The following ARHGEF40 variants were observed in gnomAD, a reference collection of about 807,000 sequenced individuals.
ARHGEF40 encodes Rho guanine nucleotide exchange factor 40.
A neutral mutation model predicts 165.9 loss-of-function variants in ARHGEF40; 98 were observed. The observed-to-expected ratio is 0.59, with a 90% CI of 0.50 to 0.70. The LOEUF (loss-of-function observed/expected upper bound fraction) is 0.70, where lower values mean the gene tolerates loss of function less well. Among genes scored for constraint, ARHGEF40 ranks in the 30% least tolerant of loss-of-function variants. ARHGEF40 has a pLI of 0.00. For synonymous variants in ARHGEF40, 792 were observed against 814.3 expected (o/e 0.97, Z 0.47); for missense variants, 1,815 against 1,968.0 (o/e 0.92, Z 1.47).
At chr14:21,084,490 A>T (rs1368998900) in intron 17 of ARHGEF40, among the ~76,000 whole-genome samples, 1 of 152,180 alleles carries the variant, frequency 6.6e-6, no homozygotes, top group Non-Finnish European at 1.5e-5. Flanking sequence ...GATCCCCAGC[A>T]TGCAAAGGCT....
rs756950029 is a variant in ARHGEF40, at chr14:21,074,747, G to T, written c.1017G>T (p.Glu339Asp). 1.7e-5 allele frequency: 28 copies of T among 1,608,834 alleles called. No homozygotes were observed. The South Asian group carries it at 3.0e-4, about 17-fold the overall frequency. Reference protein sequence around the residue: ...AVLEVSEPPAEAVGEASGSCP... With the variant: ...AVLEVSEPPADAVGEASGSCP... ...TGGAGGTGTCTGAGCCCCCAGCAGA[G>T]GCTGTGGGAGAAGCCTCCGGATCTT... Residue 339 changes from glutamate to aspartate, a missense_variant, in exon 3 of 24, where the codon GAG (glutamate) becomes GAT (aspartate). Physicochemically the swap from Glu to Asp is conservative, Grantham distance 45 (BLOSUM62 2). Transcript: ENST00000298694. This position sits in a 1 kb window ranked among gnomAD's most constrained non-coding sequence, Gnocchi z 4.8.
chr14:21,087,253 T>A, intron 20 of ARHGEF40, 67 bp from the exon 21 acceptor site: 1 of 1,581,830 alleles, frequency 6.3e-7, no homozygotes, highest in East Asian at 2.3e-5. Context: ...AGACTGAGGG[T>A]CATTCCAGGG....
chr14:21,065,126 GT>G, the ARHGEF40 span, among the ~76,000 whole-genome samples: 1 of 151,256 alleles, frequency 6.6e-6, no homozygotes, highest in African/African-American at 2.4e-5. Flanking sequence ...AGTCGAGATT[GT>G]ACCACTGCAC....
rs760576123 is a variant in ARHGEF40, at chr14:21,080,728, G to A, written c.2442G>A (p.Leu814=). 2.5e-6 allele frequency: 4 copies of A among 1,612,186 alleles called. No homozygotes were observed. The South Asian group carries it at 4.4e-5, about 18-fold the overall frequency. The change falls in exon 12 of 24, where the codon TTG becomes TTA. Residue 814 remains leucine (L), a synonymous_variant. Coordinates refer to ENST00000298694, the MANE Select transcript of ARHGEF40 (RefSeq NM_018071.5). ...GCTTTGCTATGCCTGGGGACACCTT[G>A]TCTGCCCTGCAGGAGACAGAGCTGC... The part of the protein sequence containing the change: ...LASFAMPGDT[L]SALQETELRF...
At position 21,083,955 on chromosome 14, in the gene ARHGEF40, G is replaced by T. The variant is rs1239165948; in HGVS notation, c.3694G>T (p.Glu1232Ter). ...LREAGPELSSECRALGAAVQL... is the reference protein window; with the variant it reads ...LREAGPELSS ...GGAAGCTGGGCCTGAGCTCAGTTCT[G>T]AGTGCCGGGCCCTTGGGGCTGCTGT... The change falls in exon 17 of 24, where the codon GAG (glutamate) becomes TAG (stop). Residue 1232 changes from glutamate to a stop codon, truncating the protein, a stop_gained. Transcript: ENST00000298694. LOFTEE classifies it high-confidence loss of function. 6.2e-7 allele frequency: 1 copy of T among 1,613,992 alleles called. No individual in the cohort carries two copies.
the ARHGEF40 span, among the ~76,000 whole-genome samples, chr14:21,061,662 G>C: frequency 6.6e-6 from 1 of 152,182 alleles, no homozygotes; most frequent in African/African-American, 2.4e-5. Flanking sequence ...ATTTTCCAGT[G>C]GGTAAGTATG....
chr14:21,087,124 G>T lies in ARHGEF40; in HGVS notation c.4243+19G>T. ...GGAAGAGGTGAGGGCCAGGGTGCTG[G>T]GGGGTGGCCCCCAGGAGTGAAGACC... On this transcript the variant is annotated intron_variant, in intron 20 of 23. Coordinates refer to ENST00000298694, the MANE Select transcript of ARHGEF40 (RefSeq NM_018071.5). 6.2e-7 allele frequency: 1 copy of T among 1,606,580 alleles called. No individual in the cohort carries two copies. Among genetic ancestry groups the T allele is most frequent in the Admixed American group, 1.7e-5 (1 of 58,750 alleles).
chr14:21,087,361 C>T lies in ARHGEF40; in HGVS notation c.4285C>T (p.His1429Tyr). 3.1e-6 allele frequency: 5 copies of T among 1,605,956 alleles called. No individual in the cohort carries two copies. Among genetic ancestry groups the T allele is most frequent in the Non-Finnish European group, 4.2e-6 (5 of 1,179,818 alleles). The change falls in exon 21 of 24, where the codon CAT becomes TAT. Residue 1429 changes from histidine (H) to tyrosine (Y), a missense_variant. By Grantham distance (83) the His-to-Tyr change is moderately conservative. Transcript: ENST00000298694. The part of the protein sequence containing the change: ...RASVAVSSFE[H>Y]AGPSLPGLSP... ...CTCCGTGGCCGTGTCATCCTTTGAG[C>T]ATGCCGGCCCCTCCCTTCCCGGCCT...
intron 16 of ARHGEF40, 152 bp downstream of exon 16, chr14:21,083,069 C>T (rs1014538854): frequency 1.1e-5 from 8 of 710,802 alleles, no homozygotes; most frequent in East Asian, 1.1e-4. Flanking sequence ...GGACAAGCAC[C>T]GGACTGGTGA....
In ARHGEF40 at chr14:21,074,120, G is replaced by A. The variant is rs1294073876; in HGVS notation, c.390G>A (p.Arg130=). ...AGTGTCTGGCCCCTGGGGGTGGGCG[G>A]GTGCAGGAGGTTCCTGTGCCCAATG... is the stretch of plus-strand genomic sequence containing the variant. ...ALKCLAPGGG[R]VQEVPVPNEA... Residue 130 remains arginine (R), a synonymous_variant, in exon 3 of 24, where the codon CGG becomes CGA. Coordinates refer to ENST00000298694, the MANE Select transcript of ARHGEF40 (RefSeq NM_018071.5). The surrounding 1 kb of genome is among the most constrained non-coding windows in gnomAD (Gnocchi z 4.8). The A allele has an allele frequency of 6.2e-7, 1 of 1,614,050 alleles. No individual in the cohort carries two copies. Among genetic ancestry groups the A allele is most frequent in the East Asian group, 2.2e-5 (1 of 44,870 alleles).
intron 21 of ARHGEF40, 75 bp from the exon 22 acceptor site, chr14:21,087,892 CT>C: frequency 6.3e-7 from 1 of 1,598,086 alleles, no homozygotes; most frequent in Admixed American, 1.7e-5. Flanking sequence ...TTTTTCTTCC[CT>C]GATGGAGCAG....
the ARHGEF40 span, among the ~76,000 whole-genome samples, chr14:21,061,651 T>C: frequency 6.6e-6 from 1 of 152,204 alleles, no homozygotes; most frequent in Admixed American, 6.5e-5. Flanking sequence ...AGGACATAAA[T>C]ATTTTCCAGT....
At chr14:21,080,235 CACACACACACA>C (rs1444754330) in intron 11 of ARHGEF40, among the ~76,000 whole-genome samples, 5 of 144,004 alleles carry the variant, frequency 3.5e-5, no homozygotes, top group Admixed American at 1.4e-4. Context: ...CACACACACA[CACACACACACA>C]CACCCCTTCT....
At position 21,081,908 on chromosome 14, in the gene ARHGEF40, G is replaced by A; in HGVS notation, c.3040G>A (p.Glu1014Lys). The change falls in exon 14 of 24, where the codon GAG (glutamate) becomes AAG (lysine). Residue 1014 changes from glutamate (E) to lysine (K), a missense_variant. Coordinates refer to ENST00000298694, the MANE Select transcript of ARHGEF40 (RefSeq NM_018071.5). Reference sequence around the variant, plus strand: ...CCATTGCTCCCTGGCCCCATGTGGAGAGGACTATGAGGAAGAGGGCCCTGA... The same window carrying A: ...CCATTGCTCCCTGGCCCCATGTGGAAAGGACTATGAGGAAGAGGGCCCTGA... ...PSHCSLAPCGEDYEEEGPELA... is the reference protein window; with the variant it reads ...PSHCSLAPCGKDYEEEGPELA... 1.2e-6 allele frequency: 2 copies of A among 1,613,272 alleles called. No homozygotes were observed. The highest frequency in any genetic ancestry group is 1.1e-5 in the South Asian group (1 of 90,920).
At position 21,073,220 on chromosome 14, in the gene ARHGEF40, C is replaced by T. The variant is rs1194566450; in HGVS notation, c.179C>T (p.Ala60Val). 2 of 1,612,182 alleles carry T rather than the reference C, an allele frequency of 1.2e-6. No individual in the cohort carries two copies. The highest frequency in any genetic ancestry group is 1.7e-6 in the Non-Finnish European group (2 of 1,179,288). Residue 60 changes from alanine to valine, a missense_variant, in exon 2 of 24, where the codon GCC becomes GTC. Transcript: ENST00000298694. The surrounding 1 kb of genome is among the most constrained non-coding windows in gnomAD (Gnocchi z 4.6). Reference sequence around the variant, plus strand: ...CTGGTACCAGCCAAGCACCTGCTTGCCAAGGTCCAGCAGGAAGCCTGTGTG... The same window carrying T: ...CTGGTACCAGCCAAGCACCTGCTTGTCAAGGTCCAGCAGGAAGCCTGTGTG... ...DFLVPAKHLL[A>V]KVQQEACAQY... is the part of the protein sequence containing the mutation.
At chr14:21,068,113 C>G (rs1244707663), upstream of ARHGEF40, among the ~76,000 whole-genome samples, 2 of 46,440 alleles carry the variant, frequency 4.3e-5, 1 homozygote, top group Non-Finnish European at 1.2e-4. Context: ...CATTCTCCTG[C>G]CTCAGCCTCC....
chr14:21,087,955 G>A lies in ARHGEF40; in HGVS notation c.4388-13G>A. ...GATTCTGTACTCTGCTCTCACCCTA[G>A]CTTCCCCTTCAGCCCCAGAAACACT... On this transcript the variant is annotated splice_polypyrimidine_tract_variant and intron_variant, in intron 21 of 23. Transcript: ENST00000298694. 1 of 1,613,734 alleles carries A rather than the reference G, an allele frequency of 6.2e-7. No homozygotes were observed. Among genetic ancestry groups the A allele is most frequent in the Non-Finnish European group, 8.5e-7 (1 of 1,180,004 alleles).
chr14:21,075,213 A>G lies in ARHGEF40; in HGVS notation c.1450+33A>G, dbSNP rs772703052. ...GACACGGAGTGAGGCTCATGGGGCA[A>G]GGGCCAAAGCAGGTCGGGCCTATGG... On this transcript the variant is annotated intron_variant, in intron 3 of 23. Coordinates refer to ENST00000298694, the MANE Select transcript of ARHGEF40 (RefSeq NM_018071.5). This position sits in a 1 kb window ranked among gnomAD's most constrained non-coding sequence, Gnocchi z 4.5. The G allele has an allele frequency of 1.9e-5, 30 of 1,583,034 alleles. No individual in the cohort carries two copies. In the South Asian group the frequency reaches 3.0e-4, roughly 16 times the overall value.
At position 21,081,896 on chromosome 14, in the gene ARHGEF40, G is replaced by A. The variant is rs1448398668; in HGVS notation, c.3028G>A (p.Ala1010Thr). 6.2e-7 allele frequency: 1 copy of A among 1,613,378 alleles called. No homozygotes were observed. Among genetic ancestry groups the A allele is most frequent in the South Asian group, 1.1e-5 (1 of 90,986 alleles). Residue 1010 changes from alanine (A) to threonine (T), a missense_variant, in exon 14 of 24, where the codon GCC (alanine) becomes ACC (threonine). By Grantham distance (58) the Ala-to-Thr change is moderately conservative. Transcript: ENST00000298694. ...PRPAPSHCSLAPCGEDYEEEG... is the reference protein window; with the variant it reads ...PRPAPSHCSLTPCGEDYEEEG... ...GCCAGCCCCATCCCATTGCTCCCTGGCCCCATGTGGAGAGGACTATGAGGA... is the reference window on the plus strand; with the variant it reads ...GCCAGCCCCATCCCATTGCTCCCTGACCCCATGTGGAGAGGACTATGAGGA...
Sources: gnomAD v4.1 joint callset for allele counts (sites outside exome capture counted in the v4.1 genomes callset) on GRCh38, gnomAD v4.1.1 for gene constraint, Gnocchi (gnomAD v3.1) non-coding constraint, MANE v1.5 for transcripts, NCBI Gene and HGNC (gene_info 2026-07-23, HGNC 2026-07-21) for gene names.